Variants in PRDM16 observed in about 807,000 individuals in gnomAD.
The protein encoded by PRDM16 is PR/SET domain 16, also known as histone-lysine N-methyltransferase PRDM16.
In PRDM16, 23 loss-of-function variants were observed where a neutral mutation model predicts 110.6. The ratio of observed to expected loss-of-function variants is 0.21; its 90% CI spans 0.15 to 0.29. PRDM16 has a LOEUF of 0.29. Ranked by LOEUF, PRDM16 falls within the 10% of genes least tolerant of loss-of-function variation. PRDM16 has a pLI of 1.00. For missense variants in PRDM16, 1,615 were observed against 1,794.3 expected (o/e 0.90, Z 1.81); for synonymous variants, 799 against 781.8 (o/e 1.02, Z -0.37).
At chr1:3,427,036 C>T (rs1309371549) in intron 14 of PRDM16, among the ~76,000 whole-genome samples, 1 of 152,258 alleles carries the variant, frequency 6.6e-6, no homozygotes, top group African/African-American at 2.4e-5. Context: ...ACAGTGTGTG[C>T]ACATACACAT....
rs1641705560 is a variant in PRDM16 at position 3,069,889 on chromosome 1, G to A, written c.37+593G>A. On this transcript the variant is annotated intron_variant, in intron 1 of 16. Transcript: ENST00000270722. The surrounding 1 kb of genome is among the most constrained non-coding windows in gnomAD (Gnocchi z 6.1). ...CCGGCGCCCACCCGGCTCCGCGGGC[G>A]CAGGGGCAGGGGTGGCGACGGCGGG... Among the ~76,000 whole-genome samples the A allele has an allele frequency of 6.6e-6, 1 of 151,562 alleles. No homozygotes were observed. The highest frequency in any genetic ancestry group is 2.4e-5 in the African/African-American group (1 of 41,316).
chr1:3,114,558 A>G (rs10909876), intron 1 of PRDM16, among the ~76,000 whole-genome samples: 59,934 of 151,228 alleles, frequency 0.4, 12,047 homozygotes, highest in South Asian at 0.55. Context: ...ACACACGTGC[A>G]CAAACAAGCA....
At chr1:3,229,356 C>A (rs1338091729) in intron 2 of PRDM16, among the ~76,000 whole-genome samples, 3 of 152,150 alleles carry the variant, frequency 2.0e-5, no homozygotes, top group African/African-American at 7.2e-5. Flanking sequence ...GCAGGTGCCC[C>A]GGGGGCCCCT....
At chr1:3,164,130 G>A (rs575482661) in intron 1 of PRDM16, among the ~76,000 whole-genome samples, 1 of 152,244 alleles carries the variant, frequency 6.6e-6, no homozygotes, top group Non-Finnish European at 1.5e-5. Flanking sequence ...TCCAGAGGCC[G>A]CCGCTTCATG....
chr1:3,379,159 AG>A, intron 3 of PRDM16, among the ~76,000 whole-genome samples: 1 of 57,194 alleles, frequency 1.7e-5, no homozygotes, highest in South Asian at 7.7e-4. Flanking sequence ...CACCCCTCCC[AG>A]CACACCCCTC....
intron 3 of PRDM16, among the ~76,000 whole-genome samples, chr1:3,293,386 G>A (rs1297311744): frequency 1.3e-5 from 2 of 152,204 alleles, no homozygotes; most frequent in Non-Finnish European, 2.9e-5. Flanking sequence ...CGTGAATGCC[G>A]GCTTTGATGA....
intron 3 of PRDM16, among the ~76,000 whole-genome samples, chr1:3,325,558 C>T (rs1641870021): frequency 6.6e-6 from 1 of 152,244 alleles, no homozygotes; most frequent in Non-Finnish European, 1.5e-5. Context: ...TGTTTATTTC[C>T]TGGAGCTGCT....
rs1005053045 is a variant in PRDM16, at chr1:3,255,969, C to T, written c.438+11832C>T. Among the ~76,000 whole-genome samples the T allele has an allele frequency of 3.3e-5, 5 of 152,158 alleles. 1 individual carries two copies. Among genetic ancestry groups the T allele is most frequent in the Admixed American group, 2.6e-4 (4 of 15,282 alleles). ...ACAGTACAGGGTGGAACGAGCTCCG[C>T]CTCTCAGGGGAGGGACAGGATTACG... On this transcript the variant is annotated intron_variant, in intron 3 of 16. Coordinates refer to ENST00000270722, the MANE Select transcript of PRDM16 (RefSeq NM_022114.4). The surrounding 1 kb of genome is among the most constrained non-coding windows in gnomAD (Gnocchi z 4.7).
rs575451279 is a variant in PRDM16 at position 3,265,478 on chromosome 1, G to C, written c.438+21341G>C. ...GGACTTGGAGGCTTCCCGGTGGGAA[G>C]GTGAGTTGCCCTGCCTGCTTTTCGC... On this transcript the variant is annotated intron_variant, in intron 3 of 16. Transcript: ENST00000270722. This position sits in a 1 kb window ranked among gnomAD's most constrained non-coding sequence, Gnocchi z 4.5. Among the ~76,000 whole-genome samples the C allele has an allele frequency of 6.6e-6, 1 of 152,188 alleles. No individual in the cohort carries two copies. Among genetic ancestry groups the C allele is most frequent in the East Asian group, 1.9e-4 (1 of 5,160 alleles).
chr1:3,417,835 C>G lies in PRDM16; in HGVS notation c.2699C>G (p.Ala900Gly). Residue 900 changes from alanine (A) to glycine (G), a missense_variant, in exon 11 of 17, where the codon GCC becomes GGC. Coordinates refer to ENST00000270722, the MANE Select transcript of PRDM16 (RefSeq NM_022114.4). ...SPLLFHPQMS[A>G]IETMTEKLES... ...CCACTCTTATGCCTACAGATGTCAG[C>G]CATAGAGACCATGACAGAGAAGCTG... is the stretch of plus-strand genomic sequence containing the variant. 6.2e-7 allele frequency: 1 copy of G among 1,613,660 alleles called. No homozygotes were observed. Among genetic ancestry groups the G allele is most frequent in the Non-Finnish European group, 8.5e-7 (1 of 1,179,798 alleles).
At chr1:3,294,469 T>C (rs559972673) in intron 3 of PRDM16, among the ~76,000 whole-genome samples, 2 of 152,182 alleles carry the variant, frequency 1.3e-5, no homozygotes, top group Admixed American at 6.5e-5. Context: ...AGCCTCTGAC[T>C]TCCCCCCAGA....
At chr1:3,343,757 C>T (rs1200146518) in intron 3 of PRDM16, among the ~76,000 whole-genome samples, 2 of 152,122 alleles carry the variant, frequency 1.3e-5, no homozygotes, top group South Asian at 2.1e-4. Context: ...TCTCCTGCCT[C>T]AGCCTCCCAA....
At chr1:3,323,669 C>T (rs1289427925) in intron 3 of PRDM16, among the ~76,000 whole-genome samples, 2 of 152,252 alleles carry the variant, frequency 1.3e-5, no homozygotes, top group Non-Finnish European at 2.9e-5. Flanking sequence ...AAGGCGAGGG[C>T]CGGTGCTGGG....
At chr1:3,428,537 C>T (rs1490838069) in intron 14 of PRDM16, among the ~76,000 whole-genome samples, 1 of 152,202 alleles carries the variant, frequency 6.6e-6, no homozygotes, top group Admixed American at 6.5e-5. Flanking sequence ...GAGGCAAGGT[C>T]CCCGGGTCCA....
chr1:3,214,429 G>A (rs1469196193), intron 2 of PRDM16, among the ~76,000 whole-genome samples: 1 of 152,202 alleles, frequency 6.6e-6, no homozygotes, highest in African/African-American at 2.4e-5. Flanking sequence ...AGGTGCGGTG[G>A]CTCACATCTG....
intron 1 of PRDM16, among the ~76,000 whole-genome samples, chr1:3,181,499 T>C (rs148002019): frequency 0.014 from 259 of 18,098 alleles, 119 homozygotes; most frequent in Non-Finnish European, 0.028. Context: ...GCCTTACGCA[T>C]GGTCTTACAC....
At chr1:3,352,086 A>G (rs1642506254) in intron 3 of PRDM16, among the ~76,000 whole-genome samples, 1 of 152,210 alleles carries the variant, frequency 6.6e-6, no homozygotes, top group Admixed American at 6.5e-5. Flanking sequence ...TCTGGGCAGC[A>G]TGACCAGCTC....
intron 3 of PRDM16, among the ~76,000 whole-genome samples, chr1:3,299,075 A>G (rs1641150830): frequency 6.6e-6 from 1 of 152,202 alleles, no homozygotes; most frequent in South Asian, 2.1e-4. Flanking sequence ...CTCTCCCTCA[A>G]GACACTGGCT....
chr1:3,411,610 G>A lies in PRDM16; in HGVS notation c.1413G>A (p.Lys471=). ...LPLTPSPMMD[K]AKPSPSLNHA... Reference sequence around the variant, plus strand: ...TGACCCCCAGCCCCATGATGGACAAGGCAAAACCCTCCCCCAGCCTCAATC... The same window carrying A: ...TGACCCCCAGCCCCATGATGGACAAAGCAAAACCCTCCCCCAGCCTCAATC... Residue 471 remains lysine, a synonymous_variant, in exon 9 of 17, where the codon AAG becomes AAA. Transcript: ENST00000270722. 6.2e-7 allele frequency: 1 copy of A among 1,613,976 alleles called. No homozygotes were observed. Among genetic ancestry groups the A allele is most frequent in the Non-Finnish European group, 8.5e-7 (1 of 1,179,992 alleles).
Sources: gnomAD v4.1 joint callset for allele counts (sites outside exome capture counted in the v4.1 genomes callset) on GRCh38, gnomAD v4.1.1 for gene constraint, Gnocchi (gnomAD v3.1) non-coding constraint, MANE v1.5 for transcripts, NCBI Gene and HGNC (gene_info 2026-07-23, HGNC 2026-07-21) for gene names.